The following CFAP54 variants were observed in gnomAD, a reference collection of about 807,000 sequenced individuals.
The protein encoded by CFAP54 is cilia and flagella associated protein 54, also known as cilia- and flagella-associated protein 54.
In CFAP54, 290 loss-of-function variants were observed where a neutral mutation model predicts 370.4. The observed-to-expected ratio is 0.78, with a 90% CI of 0.71 to 0.86. The LOEUF (loss-of-function observed/expected upper bound fraction) is 0.86, where lower values mean the gene tolerates loss of function less well. CFAP54 is among the 40% of genes least tolerant of loss of function. CFAP54 has a pLI of 0.00. For missense variants in CFAP54, 3,399 were observed against 3,528.7 expected (o/e 0.96, Z 0.93); for synonymous variants, 1,206 against 1,236.5 (o/e 0.98, Z 0.52).
At chr12:96,833,124 A>T (rs912333111) in intron 66 of CFAP54, among the ~76,000 whole-genome samples, 1 of 152,222 alleles carries the variant, frequency 6.6e-6, no homozygotes, top group African/African-American at 2.4e-5. Flanking sequence ...CGAGTGCCCC[A>T]TGCTTTCCTT....
intron 66 of CFAP54, among the ~76,000 whole-genome samples, chr12:96,854,018 G>T (rs1372441133): frequency 6.6e-6 from 1 of 151,754 alleles, no homozygotes; most frequent in Non-Finnish European, 1.5e-5. Flanking sequence ...TTTTTAAAAA[G>T]CCATTCCTAT....
intron 66 of CFAP54, among the ~76,000 whole-genome samples, chr12:96,843,555 G>A (rs1959250475): frequency 6.6e-6 from 1 of 152,204 alleles, no homozygotes; most frequent in South Asian, 2.1e-4. Context: ...AATCTCAGTG[G>A]CAATAAAGGG....
chr12:96,609,450 G>A (rs1438736916), intron 26 of CFAP54, among the ~76,000 whole-genome samples: 1 of 152,068 alleles, frequency 6.6e-6, no homozygotes, highest in Non-Finnish European at 1.5e-5. Flanking sequence ...TAATGACAAA[G>A]ACATTTACCA....
chr12:96,834,893 A>G lies in CFAP54; in HGVS notation c.9171+5805A>G, dbSNP rs537922300. On this transcript the variant is annotated intron_variant, in intron 66 of 67. Coordinates refer to ENST00000524981, the MANE Select transcript of CFAP54 (RefSeq NM_001306084.2). ...GGTGAGCAAGATGAAGAGGAGCTTT[A>G]TTGAGCAATAGAACAGCTCACAGGA... is the stretch of plus-strand genomic sequence containing the variant. Among the ~76,000 whole-genome samples, 43 of 152,314 alleles carry G rather than the reference A, an allele frequency of 2.8e-4. No individual in the cohort carries two copies. The South Asian group carries it at 8.7e-3, about 31-fold the overall frequency.
chr12:96,704,403 G>A (rs1957523258), intron 46 of CFAP54, among the ~76,000 whole-genome samples: 1 of 138,366 alleles, frequency 7.2e-6, no homozygotes, highest in Non-Finnish European at 1.5e-5. Context: ...CTCCAGCCTG[G>A]GCGACAGAGC....
At chr12:96,807,160 G>A (rs1592774825) in intron 63 of CFAP54, among the ~76,000 whole-genome samples, 2 of 152,080 alleles carry the variant, frequency 1.3e-5, no homozygotes, top group African/African-American at 4.8e-5. Flanking sequence ...AAGAAACTAA[G>A]AGAACATCTA....
At chr12:96,676,636 C>G (rs1453846687) in intron 39 of CFAP54, among the ~76,000 whole-genome samples, 2 of 152,122 alleles carry the variant, frequency 1.3e-5, no homozygotes, top group Non-Finnish European at 2.9e-5. Flanking sequence ...ACCTCCACCT[C>G]TGGGGTTCAA....
In CFAP54 at chr12:96,512,301, TTATATATATA is replaced by T. The variant is rs1165045194; in HGVS notation, c.740-645_740-636del. ...GATAAGGAAACCATGGGAACCAATTTTATATATATATATATATATATATATATATATATAT... is the reference window on the plus strand; with the variant it reads ...GATAAGGAAACCATGGGAACCAATTTTATATATATATATATATATATATAT... On this transcript the variant is annotated intron_variant, in intron 4 of 67. Coordinates refer to ENST00000524981, the MANE Select transcript of CFAP54 (RefSeq NM_001306084.2). 7.9e-3 allele frequency among the ~76,000 whole-genome samples: 244 copies of T among 31,048 alleles called. 1 individual carries two copies. The highest frequency in any genetic ancestry group is 0.019 in the African/African-American group (165 of 8,752). 20.4% of individuals were successfully genotyped at this position (31,048 alleles called of 152,430 possible). A position where few individuals can be genotyped will look rare whatever the true frequency, so the allele number is the denominator to read the frequency against.
Position 96,554,230 on chromosome 12 carries a change from G to C in CFAP54, c.2203G>C (p.Ala735Pro). ...TTTTGCTTATAAACTTCTTGACAGA[G>C]CAATCGGTGGAATAAATTTGAATTG... ...LLFAYKLLDR[A>P]IGGINLNCML... Residue 735 changes from alanine to proline, a missense_variant, in exon 16 of 68, where the codon GCA becomes CCA. Around this residue, in one of 3 missense-constraint regions of CFAP54, gnomAD observed 2,796 missense variants for 2,869.7 expected, o/e 0.97. Transcript: ENST00000524981. 6.5e-7 allele frequency: 1 copy of C among 1,527,058 alleles called. No individual in the cohort carries two copies. The highest frequency in any genetic ancestry group is 8.8e-7 in the Non-Finnish European group (1 of 1,142,652). The allele number at this position is 1,527,058 out of a possible 1,614,324, so 94.6% of individuals were successfully genotyped here.
At chr12:96,542,509 A>G (rs762025930) in intron 14 of CFAP54, among the ~76,000 whole-genome samples, 2 of 152,216 alleles carry the variant, frequency 1.3e-5, no homozygotes, top group African/African-American at 2.4e-5. Context: ...GGTGGAGAGA[A>G]AAAATAAATC....
chr12:96,701,380 T>G (rs1957489914), intron 46 of CFAP54, among the ~76,000 whole-genome samples: 1 of 152,116 alleles, frequency 6.6e-6, no homozygotes, highest in Non-Finnish European at 1.5e-5. Flanking sequence ...ATTTTTTGAG[T>G]GCTTACTGAA....
intron 66 of CFAP54, among the ~76,000 whole-genome samples, chr12:96,838,782 G>C (rs2136771676): frequency 6.6e-6 from 1 of 152,298 alleles, no homozygotes; most frequent in Middle Eastern, 3.4e-3. Context: ...AAGGCTGACA[G>C]TCTAGAAGGA....
intron 60 of CFAP54, among the ~76,000 whole-genome samples, chr12:96,770,050 C>A (rs944701857): frequency 3.3e-5 from 5 of 152,282 alleles, no homozygotes; most frequent in Non-Finnish European, 5.9e-5. Context: ...CTACTATTAT[C>A]TTCTGTTTTC....
intron 33 of CFAP54, among the ~76,000 whole-genome samples, chr12:96,647,471 C>CGAAAAAAAAAA (rs1167008566): frequency 8.4e-4 from 9 of 10,688 alleles, no homozygotes; most frequent in Non-Finnish European, 1.5e-3. Flanking sequence ...AGACTCTGTC[C>CGAAAAAAAAAA]CAAAAAAAAA....
intron 39 of CFAP54, among the ~76,000 whole-genome samples, chr12:96,676,396 T>C (rs1227898738): frequency 6.6e-6 from 1 of 152,190 alleles, no homozygotes; most frequent in Admixed American, 6.5e-5. Flanking sequence ...TTCATTTGCT[T>C]GCTGTTATGG....
At chr12:96,564,364 C>G in intron 17 of CFAP54, 104 bp from the exon 18 acceptor site, 1 of 503,188 alleles carries the variant, frequency 2.0e-6, no homozygotes, top group Non-Finnish European at 3.5e-6. Flanking sequence ...AATGACATGA[C>G]AGAGGAAGCA....
At chr12:96,642,577 T>G (rs1253589685) in intron 32 of CFAP54, among the ~76,000 whole-genome samples, 1 of 152,024 alleles carries the variant, frequency 6.6e-6, no homozygotes, top group Non-Finnish European at 1.5e-5. Context: ...CTTTCCGGAG[T>G]TTTCTCTTTT....
rs774149158 is a variant in CFAP54 at position 96,743,495 on chromosome 12, C to T, written c.7313C>T (p.Thr2438Met). The T allele has an allele frequency of 1.9e-5, 31 of 1,613,926 alleles. No individual in the cohort carries two copies. Among genetic ancestry groups the T allele is most frequent in the Middle Eastern group, 1.6e-4 (1 of 6,084 alleles). ...ACGGAACTGCAGGCTGAATTCTTGACGCAAGCTGTAATTCTTGGCCTACAA... is the reference window on the plus strand; with the variant it reads ...ACGGAACTGCAGGCTGAATTCTTGATGCAAGCTGTAATTCTTGGCCTACAA... ...GDTELQAEFL[T>M]QAVILGLQEK... Residue 2438 changes from threonine to methionine, a missense_variant, in exon 53 of 68, where the codon ACG becomes ATG. By Grantham distance (81) the Thr-to-Met change is moderately conservative. Coordinates refer to ENST00000524981, the MANE Select transcript of CFAP54 (RefSeq NM_001306084.2).
intron 22 of CFAP54, among the ~76,000 whole-genome samples, chr12:96,588,979 G>A (rs957043251): frequency 5.9e-5 from 9 of 152,172 alleles, no homozygotes; most frequent in Admixed American, 2.0e-4. Context: ...AGCTCTGAAA[G>A]TATCAGTCAG....
Sources: allele counts gnomAD v4.1 joint callset (sites outside exome capture counted in the v4.1 genomes callset), GRCh38; gene constraint gnomAD v4.1.1; regional missense constraint gnomAD v4.1.1; transcripts MANE v1.5; gene names NCBI Gene and HGNC (gene_info 2026-07-23, HGNC 2026-07-21).